Variants in CDH13 observed in about 807,000 individuals in gnomAD.
CDH13 encodes cadherin-13.
CDH13 carries 24 observed loss-of-function variants against 63.8 expected under a neutral mutation model. That is an observed-to-expected ratio of 0.38 (90% CI 0.27 to 0.53). The LOEUF (loss-of-function observed/expected upper bound fraction) is 0.53, where lower values mean the gene tolerates loss of function less well. Among genes scored for constraint, CDH13 ranks in the 20% least tolerant of loss-of-function variants. The pLI is 0.85. For synonymous variants in CDH13, 503 were observed against 355.3 expected (o/e 1.42, Z -4.67); for missense variants, 1,049 against 903.1 (o/e 1.16, Z -2.07).
At chr16:83,407,565 T>G (rs2092066288) in intron 6 of CDH13, among the ~76,000 whole-genome samples, 2 of 152,248 alleles carry the variant, frequency 1.3e-5, no homozygotes, top group South Asian at 4.1e-4. Flanking sequence ...TAGTGATTCA[T>G]TAATCTCCTT....
At chr16:82,818,780 C>G (rs144808085) in intron 1 of CDH13, among the ~76,000 whole-genome samples, 1 of 152,164 alleles carries the variant, frequency 6.6e-6, no homozygotes, top group African/African-American at 2.4e-5. Context: ...TCTGTAAAGG[C>G]CTTTCTCTCT....
At position 83,485,758 on chromosome 16, in the gene CDH13, T is replaced by A. The variant is rs145430026; in HGVS notation, c.782-719T>A. ...TATATATTTATCTCTTCTACTGATT[T>A]CTGAGCTCCTGCACACCCAGGAGCA... On this transcript the variant is annotated intron_variant, in intron 6 of 13. Transcript: ENST00000567109. Among the ~76,000 whole-genome samples, 185 of 152,274 alleles carry A rather than the reference T, an allele frequency of 1.2e-3. 1 individual carries two copies. Among genetic ancestry groups the A allele is most frequent in the Admixed American group, 5.2e-3 (80 of 15,278 alleles).
At chr16:82,705,040 T>C (rs1735486651) in intron 1 of CDH13, 1 of 418,784 alleles carries the variant, frequency 2.4e-6, no homozygotes, top group Non-Finnish European at 4.7e-6. Context: ...AAATAAACGG[T>C]TTCTTCTTTT....
intron 2 of CDH13, among the ~76,000 whole-genome samples, chr16:82,883,273 C>T (rs2040768226): frequency 6.6e-6 from 1 of 152,258 alleles, no homozygotes; most frequent in African/African-American, 2.4e-5. Context: ...ATGTGAAATG[C>T]TTTCTATATT....
At chr16:82,818,853 A>G (rs1261574174) in intron 1 of CDH13, among the ~76,000 whole-genome samples, 1 of 152,198 alleles carries the variant, frequency 6.6e-6, no homozygotes, top group African/African-American at 2.4e-5. Context: ...TAGTGGTGTC[A>G]TAACTTTGCA....
intron 1 of CDH13, among the ~76,000 whole-genome samples, chr16:82,679,701 G>C (rs1466004417): frequency 6.6e-6 from 1 of 152,160 alleles, no homozygotes; most frequent in Non-Finnish European, 1.5e-5. Flanking sequence ...GATAAATAGG[G>C]ACGTTAATAC....
At chr16:82,786,574 T>C (rs374656188) in intron 1 of CDH13, among the ~76,000 whole-genome samples, 5 of 151,870 alleles carry the variant, frequency 3.3e-5, no homozygotes, top group African/African-American at 1.2e-4. Flanking sequence ...TTTATGTATG[T>C]ATACATGTGC....
chr16:82,696,666 C>T (rs142069664), intron 1 of CDH13, among the ~76,000 whole-genome samples: 83 of 152,344 alleles, frequency 5.4e-4, no homozygotes, highest in African/African-American at 1.8e-3. Context: ...ATGATTTCTT[C>T]AACTCAGTTA....
At chr16:83,672,181 C>G (rs1423784004) in intron 9 of CDH13, among the ~76,000 whole-genome samples, 1 of 152,124 alleles carries the variant, frequency 6.6e-6, no homozygotes, top group African/African-American at 2.4e-5. Context: ...TGTAACCTCC[C>G]TCTTAGGGTT....
intron 10 of CDH13, among the ~76,000 whole-genome samples, chr16:83,733,592 A>C (rs1911252106): frequency 6.6e-6 from 1 of 152,194 alleles, no homozygotes; most frequent in South Asian, 2.1e-4. Flanking sequence ...AGCTGGCTTC[A>C]TTTATTGACT....
chr16:83,506,402 C>T (rs988887808), intron 7 of CDH13, among the ~76,000 whole-genome samples: 2 of 152,214 alleles, frequency 1.3e-5, no homozygotes, highest in African/African-American at 2.4e-5. Context: ...GAGAGACTGA[C>T]AGATGCAGTG....
chr16:83,028,346 G>A (rs182127438), intron 2 of CDH13, among the ~76,000 whole-genome samples: 2 of 152,204 alleles, frequency 1.3e-5, no homozygotes, highest in Non-Finnish European at 2.9e-5. Flanking sequence ...TCTGAGAACC[G>A]CAGGGTCCTG....
chr16:83,783,257 C>T lies in CDH13; in HGVS notation c.1919C>T (p.Thr640Ile). 2 of 1,612,246 alleles carry T rather than the reference C, an allele frequency of 1.2e-6. No homozygotes were observed. The highest frequency in any genetic ancestry group is 1.7e-6 in the Non-Finnish European group (2 of 1,178,546). The change falls in exon 13 of 14, where the codon ACA (threonine) becomes ATA (isoleucine). Residue 640 changes from threonine to isoleucine, a missense_variant. By Grantham distance (89) the Thr-to-Ile change is moderately conservative. Transcript: ENST00000567109. ...KVWKISKINNTHALVSLLQNL... is the reference protein window; with the variant it reads ...KVWKISKINNIHALVSLLQNL... ...AGAACCCTCCTTGCCTTTACAGATA[C>T]ACACGCCCTGGTAAGCCTTCTTCAA...
At chr16:83,668,294 A>G (rs1914187238) in intron 8 of CDH13, among the ~76,000 whole-genome samples, 1 of 152,226 alleles carries the variant, frequency 6.6e-6, no homozygotes, top group Admixed American at 6.5e-5. Flanking sequence ...GCACCATGCA[A>G]GAGACTGGAG....
chr16:82,994,433 C>T (rs963524082), intron 2 of CDH13, among the ~76,000 whole-genome samples: 6 of 152,174 alleles, frequency 3.9e-5, no homozygotes, highest in African/African-American at 1.2e-4. Context: ...TTTCCCTGCT[C>T]TGCTCTTGGC....
intron 1 of CDH13, among the ~76,000 whole-genome samples, chr16:82,750,124 G>A (rs2034348583): frequency 6.6e-6 from 1 of 152,184 alleles, no homozygotes; most frequent in Non-Finnish European, 1.5e-5. Context: ...GACATAAGTT[G>A]AGCGGGGTGC....
intron 4 of CDH13, among the ~76,000 whole-genome samples, chr16:83,131,503 G>A (rs753932761): frequency 7.9e-5 from 12 of 151,922 alleles, no homozygotes; most frequent in Admixed American, 3.9e-4. Flanking sequence ...TTCAAAATTT[G>A]GGCCATAAAT....
At chr16:83,053,130 A>G (rs2030560440) in intron 3 of CDH13, among the ~76,000 whole-genome samples, 1 of 152,214 alleles carries the variant, frequency 6.6e-6, no homozygotes, top group Non-Finnish European at 1.5e-5. Flanking sequence ...TCTTAGAAAG[A>G]TGCCTGGAAC....
At chr16:82,721,952 G>A (rs192924912) in intron 1 of CDH13, among the ~76,000 whole-genome samples, 65 of 152,218 alleles carry the variant, frequency 4.3e-4, no homozygotes, top group African/African-American at 4.6e-4. Flanking sequence ...TAGTTGGGGC[G>A]TGTCACATGC....
Sources: gnomAD v4.1 joint callset for allele counts (sites outside exome capture counted in the v4.1 genomes callset) on GRCh38, gnomAD v4.1.1 for gene constraint, MANE v1.5 for transcripts, NCBI Gene and HGNC (gene_info 2026-07-23, HGNC 2026-07-21) for gene names.